The following FMNL2 variants were observed in gnomAD, a reference collection of about 807,000 sequenced individuals.
The protein encoded by FMNL2 is formin like 2, also known as formin-like protein 2.
FMNL2 carries 51 observed loss-of-function variants against 130.2 expected under a neutral mutation model. That is an observed-to-expected ratio of 0.39 (90% CI 0.31 to 0.49). The LOEUF is 0.49. Among genes scored for constraint, FMNL2 ranks in the 20% least tolerant of loss-of-function variants. The pLI, the probability that FMNL2 is intolerant of heterozygous loss-of-function variation, is 0.85. For missense variants in FMNL2, 977 were observed against 1,316.2 expected, an observed-to-expected ratio of 0.74 and a Z score of 3.99; for synonymous variants, 465 against 467.1, an observed-to-expected ratio of 1.00 and a Z score of 0.06.
intron 1 of FMNL2, among the ~76,000 whole-genome samples, chr2:152,369,812 T>G (rs1683770815): frequency 6.6e-6 from 1 of 152,244 alleles, no homozygotes; most frequent in African/African-American, 2.4e-5. Flanking sequence ...TTCTTCTTTC[T>G]TTTTAACATG....
intron 1 of FMNL2, among the ~76,000 whole-genome samples, chr2:152,424,324 A>G (rs142731646): frequency 1.8e-4 from 28 of 151,834 alleles, no homozygotes; most frequent in African/African-American, 6.5e-4. Flanking sequence ...GACTCTTCAT[A>G]CTTAATGTGT....
At chr2:152,623,020 C>T (rs1380235766) in intron 15 of FMNL2, among the ~76,000 whole-genome samples, 9 of 152,142 alleles carry the variant, frequency 5.9e-5, no homozygotes, top group African/African-American at 1.2e-4. Flanking sequence ...CTTTCCTCCT[C>T]TTCCCACTCC....
chr2:152,609,720 A>ATGTG, intron 10 of FMNL2, among the ~76,000 whole-genome samples: 1 of 152,138 alleles, frequency 6.6e-6, no homozygotes, highest in Admixed American at 6.5e-5. Flanking sequence ...AAGATATCCA[A>ATGTG]TGTATACCAT....
intron 1 of FMNL2, among the ~76,000 whole-genome samples, chr2:152,351,214 A>G (rs563496677): frequency 6.6e-6 from 1 of 152,312 alleles, no homozygotes; most frequent in African/African-American, 2.4e-5. Flanking sequence ...TTTTACTTTA[A>G]GTTCTGAGAT....
At chr2:152,570,190 A>G (rs1489775717) in intron 6 of FMNL2, among the ~76,000 whole-genome samples, 1 of 152,156 alleles carries the variant, frequency 6.6e-6, no homozygotes, top group Non-Finnish European at 1.5e-5. Context: ...TTGTTTGGTT[A>G]TGATCTTAAG....
chr2:152,413,679 C>G (rs1303053933), intron 1 of FMNL2, among the ~76,000 whole-genome samples: 1 of 152,198 alleles, frequency 6.6e-6, no homozygotes, highest in Non-Finnish European at 1.5e-5. Flanking sequence ...CAAGGATGCA[C>G]TAAATGAATT....
intron 10 of FMNL2, among the ~76,000 whole-genome samples, chr2:152,608,700 A>G (rs1698523362): frequency 6.6e-6 from 1 of 152,016 alleles, no homozygotes; most frequent in Non-Finnish European, 1.5e-5. Flanking sequence ...ATAAATACGT[A>G]AAGAGATTGG....
chr2:152,434,571 T>C (rs1687653093), intron 1 of FMNL2, among the ~76,000 whole-genome samples: 1 of 152,040 alleles, frequency 6.6e-6, no homozygotes, highest in African/African-American at 2.4e-5. Flanking sequence ...GATTAGTGAT[T>C]AGGTGGCACC....
intron 2 of FMNL2, among the ~76,000 whole-genome samples, chr2:152,528,496 A>G (rs990585949): frequency 6.6e-5 from 10 of 151,940 alleles, no homozygotes; most frequent in Admixed American, 6.6e-4. Context: ...TGTAAATCCA[A>G]TCTCTGCCTC....
chr2:152,389,643 C>T (rs553732109), intron 1 of FMNL2, among the ~76,000 whole-genome samples: 3 of 152,300 alleles, frequency 2.0e-5, no homozygotes, highest in South Asian at 2.1e-4. Context: ...AGGACTAGAG[C>T]GCAGACCTCA....
chr2:152,626,711 T>C lies in FMNL2; in HGVS notation c.2149T>C (p.Cys717Arg). 3 of 1,610,164 alleles carry C rather than the reference T, an allele frequency of 1.9e-6. No individual in the cohort carries two copies. Among genetic ancestry groups the C allele is most frequent in the Non-Finnish European group, 2.5e-6 (3 of 1,178,184 alleles). ...RKAGKTADEI[C>R]KAIHVFDLKT... ...AGCTGGAAAGACTGCTGATGAAATA[T>C]GTAAAGCTATTCATGTGTAAGTTCA... is the stretch of plus-strand genomic sequence containing the variant. The change falls in exon 17 of 26, where the codon TGT (cysteine) becomes CGT (arginine). Residue 717 changes from cysteine to arginine, a missense_variant. Transcript: ENST00000288670.
At chr2:152,387,468 CAA>C (rs1413722918) in intron 1 of FMNL2, among the ~76,000 whole-genome samples, 2 of 152,046 alleles carry the variant, frequency 1.3e-5, no homozygotes, top group East Asian at 1.9e-4. Flanking sequence ...AGTCACAAAA[CAA>C]ATTTAATTTT....
At chr2:152,549,989 A>G (rs1322730121) in intron 4 of FMNL2, among the ~76,000 whole-genome samples, 1 of 152,214 alleles carries the variant, frequency 6.6e-6, no homozygotes, top group Non-Finnish European at 1.5e-5. Context: ...TGATGTATAT[A>G]TATTGCACTT....
At chr2:152,543,662 T>A (rs1558950844) in intron 3 of FMNL2, among the ~76,000 whole-genome samples, 1 of 121,742 alleles carries the variant, frequency 8.2e-6, no homozygotes, top group East Asian at 2.4e-4. Context: ...ATGCTTGCAT[T>A]AAAAAAAAAA....
chr2:152,430,877 A>G (rs1045671161), intron 1 of FMNL2, among the ~76,000 whole-genome samples: 1 of 121,282 alleles, frequency 8.2e-6, no homozygotes, highest in Non-Finnish European at 1.9e-5. Flanking sequence ...GGTCTCGAAA[A>G]TATATATATA....
chr2:152,407,230 A>G (rs1686034876), intron 1 of FMNL2, among the ~76,000 whole-genome samples: 1 of 151,680 alleles, frequency 6.6e-6, no homozygotes, highest in South Asian at 2.1e-4. Context: ...AAGCTTCAGA[A>G]TGTCATTTCC....
intron 1 of FMNL2, among the ~76,000 whole-genome samples, chr2:152,429,908 T>C (rs1356508776): frequency 6.6e-6 from 1 of 152,224 alleles, no homozygotes; most frequent in Non-Finnish European, 1.5e-5. Flanking sequence ...ATTCTGTGCA[T>C]ATATTGCATT....
intron 6 of FMNL2, among the ~76,000 whole-genome samples, chr2:152,568,266 G>A (rs917927410): frequency 1.7e-4 from 18 of 104,122 alleles, no homozygotes; most frequent in African/African-American, 6.6e-4. Flanking sequence ...CCCAGGCTGG[G>A]ATGTAGTGGC....
At chr2:152,455,631 A>T (rs1463773778) in intron 1 of FMNL2, among the ~76,000 whole-genome samples, 2 of 152,248 alleles carry the variant, frequency 1.3e-5, no homozygotes, top group African/African-American at 4.8e-5. Context: ...CATGGGACTC[A>T]TAATGGATGA....
Sources: allele counts gnomAD v4.1 joint callset (sites outside exome capture counted in the v4.1 genomes callset), GRCh38; gene constraint gnomAD v4.1.1; transcripts MANE v1.5; gene names NCBI Gene and HGNC (gene_info 2026-07-23, HGNC 2026-07-21).